Variants in UNC5D observed in about 807,000 individuals in gnomAD.
The protein encoded by UNC5D is netrin receptor UNC5D.
Under a neutral mutation model 105.4 loss-of-function variants are expected in UNC5D, and 39 were observed. The observed-to-expected ratio is 0.37, with a 90% CI of 0.29 to 0.48. The LOEUF is 0.48. Ranked by LOEUF, UNC5D falls within the 20% of genes least tolerant of loss-of-function variation. UNC5D has a pLI of 0.98. For missense variants in UNC5D, 991 were observed against 1,202.4 expected, an observed-to-expected ratio of 0.82 and a Z score of 2.60; for synonymous variants, 452 against 450.4, an observed-to-expected ratio of 1.00 and a Z score of -0.04.
intron 1 of UNC5D, among the ~76,000 whole-genome samples, chr8:35,281,270 A>G (rs2980384): frequency 0.82 from 124,635 of 152,074 alleles, 51,540 homozygotes; most frequent in East Asian, 1. Context: ...CCTGGTTCAA[A>G]GAAAGAGAGA....
chr8:35,771,481 A>T (rs561439272), intron 15 of UNC5D, among the ~76,000 whole-genome samples: 1 of 152,366 alleles, frequency 6.6e-6, no homozygotes, highest in East Asian at 1.9e-4. Context: ...ATGCAAGGAT[A>T]CTATTCCTAC....
intron 4 of UNC5D, among the ~76,000 whole-genome samples, chr8:35,612,822 C>T (rs957475742): frequency 1.9e-4 from 27 of 141,554 alleles, no homozygotes; most frequent in Non-Finnish European, 3.5e-4. Flanking sequence ...TCTTGGGACA[C>T]ATGGATATCT....
chr8:35,483,531 T>G (rs1810634342), intron 1 of UNC5D, among the ~76,000 whole-genome samples: 1 of 152,172 alleles, frequency 6.6e-6, no homozygotes, highest in South Asian at 2.1e-4. Flanking sequence ...TGGCTTTAGT[T>G]AAGGAAATTT....
intron 4 of UNC5D, among the ~76,000 whole-genome samples, chr8:35,597,261 A>G (rs1819546432): frequency 6.6e-6 from 1 of 152,218 alleles, no homozygotes; most frequent in African/African-American, 2.4e-5. Context: ...ATGATGTAAA[A>G]TGATTAGAAA....
chr8:35,766,817 A>G (rs1332765820), intron 14 of UNC5D, 85 bp from the exon 15 acceptor site: 25 of 1,403,132 alleles, frequency 1.8e-5, no homozygotes, highest in Non-Finnish European at 1.9e-5. Flanking sequence ...CATCATCATC[A>G]TCATCATCAC....
At chr8:35,557,645 G>A (rs920843307) in intron 2 of UNC5D, among the ~76,000 whole-genome samples, 3 of 152,210 alleles carry the variant, frequency 2.0e-5, no homozygotes, top group South Asian at 4.1e-4. Flanking sequence ...CTTCAAATGC[G>A]TGTGAGATAC....
intron 16 of UNC5D, among the ~76,000 whole-genome samples, chr8:35,786,210 T>A (rs1802735623): frequency 6.6e-6 from 1 of 152,212 alleles, no homozygotes; most frequent in South Asian, 2.1e-4. Context: ...AAGGCCAATA[T>A]ATTCTTCTAT....
At chr8:35,718,793 A>G (rs1161994151) in intron 8 of UNC5D, among the ~76,000 whole-genome samples, 1 of 152,216 alleles carries the variant, frequency 6.6e-6, no homozygotes, top group East Asian at 1.9e-4. Flanking sequence ...GGGTAGATGG[A>G]GAGGGCTAGG....
Position 35,735,994 on chromosome 8 carries a change from G to C in UNC5D, c.1766+4898G>C, listed in dbSNP as rs145685856. On this transcript the variant is annotated intron_variant, in intron 11 of 16. Coordinates refer to ENST00000404895, the MANE Select transcript of UNC5D (RefSeq NM_080872.4). The stretch of plus-strand genomic sequence containing the variant: ...AATGGAGTTTTTATGATATGAATCT[G>C]TTTGTAGTGAACTATTCTTTATGTT... 1.6e-3 allele frequency among the ~76,000 whole-genome samples: 243 copies of C among 152,266 alleles called. 2 individuals carry two copies. Among genetic ancestry groups the C allele is most frequent in the Middle Eastern group, 3.4e-3 (1 of 294 alleles).
chr8:35,770,746 C>T (rs1801975590), intron 15 of UNC5D, among the ~76,000 whole-genome samples: 1 of 152,162 alleles, frequency 6.6e-6, no homozygotes, highest in Non-Finnish European at 1.5e-5. Context: ...ATATAAACAA[C>T]TTGAAGGAAT....
chr8:35,372,812 G>A (rs1802499392), intron 1 of UNC5D, among the ~76,000 whole-genome samples: 1 of 151,996 alleles, frequency 6.6e-6, no homozygotes, highest in Non-Finnish European at 1.5e-5. Context: ...ATTTTACCCA[G>A]GCTGGTGTCA....
At chr8:35,656,085 T>C (rs1013009529) in intron 4 of UNC5D, among the ~76,000 whole-genome samples, 1 of 152,188 alleles carries the variant, frequency 6.6e-6, no homozygotes, top group African/African-American at 2.4e-5. Flanking sequence ...ACCCTGTTCT[T>C]CTTTATTTGG....
intron 2 of UNC5D, among the ~76,000 whole-genome samples, chr8:35,555,886 CACACACACACA>C (rs1265774101): frequency 1.2e-5 from 1 of 82,880 alleles, no homozygotes; most frequent in African/African-American, 1.7e-4. Context: ...CACACACACA[CACACACACACA>C]CACACACACA....
intron 1 of UNC5D, among the ~76,000 whole-genome samples, chr8:35,263,848 C>G (rs1804652887): frequency 6.6e-6 from 1 of 152,230 alleles, no homozygotes; most frequent in South Asian, 2.1e-4. Flanking sequence ...TCTAGCCTCT[C>G]ACTTTCATTT....
chr8:35,474,422 G>A lies in UNC5D; in HGVS notation c.104-74870G>A, dbSNP rs539787639. On this transcript the variant is annotated intron_variant, in intron 1 of 16. Coordinates refer to ENST00000404895, the MANE Select transcript of UNC5D (RefSeq NM_080872.4). ...TTCTACCACCCAAAATAGAGATAGC[G>A]ACTGTTGAGAGGTGGACTGTAGAAA... Among the ~76,000 whole-genome samples the A allele has an allele frequency of 2.6e-5, 4 of 152,286 alleles. No homozygotes were observed. In the East Asian group the frequency reaches 5.8e-4, roughly 22 times the overall value.
chr8:35,297,305 G>A (rs1807566505), intron 1 of UNC5D, among the ~76,000 whole-genome samples: 1 of 152,126 alleles, frequency 6.6e-6, no homozygotes. Flanking sequence ...CAACTGTTCT[G>A]AATTGTAGCC....
At chr8:35,603,771 T>C (rs966946454) in intron 4 of UNC5D, among the ~76,000 whole-genome samples, 5 of 152,232 alleles carry the variant, frequency 3.3e-5, no homozygotes, top group African/African-American at 1.2e-4. Flanking sequence ...TTCTTCTTGT[T>C]GAATTGATCC....
intron 4 of UNC5D, among the ~76,000 whole-genome samples, chr8:35,670,890 TG>T (rs1824750486): frequency 6.6e-6 from 1 of 152,182 alleles, no homozygotes. Flanking sequence ...GGCAGAATTT[TG>T]AATATGTTGG....
At chr8:35,722,564 A>T (rs1217500999) in intron 9 of UNC5D, among the ~76,000 whole-genome samples, 169 bp downstream of exon 9, 1 of 152,234 alleles carries the variant, frequency 6.6e-6, no homozygotes, top group Non-Finnish European at 1.5e-5. Context: ...TGGTCTGCTT[A>T]GGTCCTTGTC....
Sources: allele counts gnomAD v4.1 joint callset (sites outside exome capture counted in the v4.1 genomes callset), GRCh38; gene constraint gnomAD v4.1.1; transcripts MANE v1.5; gene names NCBI Gene and HGNC (gene_info 2026-07-23, HGNC 2026-07-21).